SLC2A7: variants seen among roughly 807,000 people sequenced by gnomAD.
The protein encoded by SLC2A7 is solute carrier family 2 member 7.
In SLC2A7, 50 loss-of-function variants were observed where a neutral mutation model predicts 50.5. The ratio of observed to expected loss-of-function variants is 0.99; its 90% CI spans 0.79 to 1.25. The LOEUF (loss-of-function observed/expected upper bound fraction) is 1.25, where lower values mean the gene tolerates loss of function less well. Ranked by LOEUF, SLC2A7 falls within the 50% of genes most tolerant of loss-of-function variation. The probability of loss-of-function intolerance (pLI) is 0.00; values close to 1 mark genes in which losing one functional copy is unlikely to be tolerated. For missense variants in SLC2A7, 683 were observed against 679.1 expected (o/e 1.01, Z -0.06); for synonymous variants, 308 against 300.4 (o/e 1.03, Z -0.26).
At chr1:9,002,198 G>A (rs559373431), downstream of SLC2A7, among the ~76,000 whole-genome samples, 5 of 152,252 alleles carry the variant, frequency 3.3e-5, no homozygotes, top group East Asian at 7.7e-4. Flanking sequence ...ATATGGCCTC[G>A]TGGGAGGGGA....
intron 7 of SLC2A7, among the ~76,000 whole-genome samples, chr1:9,014,285 C>T (rs1640792833): frequency 6.6e-6 from 1 of 152,244 alleles, no homozygotes; most frequent in Non-Finnish European, 1.5e-5. Flanking sequence ...GCCACGGTCG[C>T]AGAAAGCGAT....
intron 2 of SLC2A7, 132 bp from the exon 3 acceptor site, chr1:9,023,210 C>A: frequency 1.2e-6 from 1 of 815,358 alleles, no homozygotes; most frequent in East Asian, 2.8e-5. Flanking sequence ...CAGTTAAACC[C>A]ACTGATTCCC....
rs568881936 is a variant in SLC2A7 at position 9,013,242 on chromosome 1, T to C, written c.1014+283A>G. ...CTGGGTTTCATCATGTTGGCCAGGC[T>C]GGTCTCAAACTCCCTGACCTCAAGT... On this transcript the variant is annotated intron_variant, in intron 8 of 11. Coordinates refer to ENST00000400906, the MANE Select transcript of SLC2A7 (RefSeq NM_207420.3). Among the ~76,000 whole-genome samples, 5 of 152,320 alleles carry C rather than the reference T, an allele frequency of 3.3e-5. No homozygotes were observed. In the South Asian group the frequency reaches 1.0e-3, roughly 32 times the overall value.
downstream of SLC2A7, among the ~76,000 whole-genome samples, chr1:8,999,712 G>A (rs554152469): frequency 9.8e-5 from 15 of 152,340 alleles, no homozygotes; most frequent in African/African-American, 3.6e-4. Context: ...TGTGACCCAG[G>A]AGGGAGGCAT....
At position 9,008,370 on chromosome 1, in the gene SLC2A7, A is replaced by G. The variant is rs1167251853; in HGVS notation, c.1117-985T>C. ...TTGGGGCCATTCAACACTTCAAGCA[A>G]AAGCGAGGCTGGCTGGGTTGGTGGG... On this transcript the variant is annotated intron_variant, in intron 9 of 11. Transcript: ENST00000400906. This position sits in a 1 kb window ranked among gnomAD's most constrained non-coding sequence, Gnocchi z 5.9. 6.6e-6 allele frequency among the ~76,000 whole-genome samples: 1 copy of G among 152,156 alleles called. No individual in the cohort carries two copies. The highest frequency in any genetic ancestry group is 1.5e-5 in the Non-Finnish European group (1 of 68,038).
In SLC2A7 at chr1:9,010,222, C is replaced by G; in HGVS notation, c.1037G>C (p.Gly346Ala). The G allele has an allele frequency of 2.6e-6, 4 of 1,551,240 alleles. No homozygotes were observed. Among genetic ancestry groups the G allele is most frequent in the Non-Finnish European group, 3.5e-6 (4 of 1,146,952 alleles). ...ITSAVLVERLGRRHLLLAGYG... is the reference protein window; with the variant it reads ...ITSAVLVERLARRHLLLAGYG... ...GCCGGCCAGCAGGAGGTGCCGCCGTCCCAGCCGCTCCACAAGGACAGCCTG... is the reference window on the plus strand; with the variant it reads ...GCCGGCCAGCAGGAGGTGCCGCCGTGCCAGCCGCTCCACAAGGACAGCCTG... Residue 346 changes from glycine to alanine, a missense_variant, in exon 9 of 12, where the codon GGA becomes GCA. Physicochemically the swap from Gly to Ala is moderately conservative, Grantham distance 60. Coordinates refer to ENST00000400906, the MANE Select transcript of SLC2A7 (RefSeq NM_207420.3).
chr1:9,024,648 A>G (rs1447132874), intron 2 of SLC2A7, among the ~76,000 whole-genome samples: 1 of 152,040 alleles, frequency 6.6e-6, no homozygotes, highest in African/African-American at 2.4e-5. Context: ...CTTTGACCCC[A>G]TTCTCTTTCC....
chr1:9,009,830 T>G (rs1569788570), intron 9 of SLC2A7, among the ~76,000 whole-genome samples: 1 of 152,246 alleles, frequency 6.6e-6, no homozygotes, highest in South Asian at 2.1e-4. Context: ...CATAGATGTT[T>G]TCTAATGCGG....
At chr1:8,997,588 C>G in the SLC2A7 span, among the ~76,000 whole-genome samples, 1 of 151,870 alleles carries the variant, frequency 6.6e-6, no homozygotes, top group Admixed American at 6.6e-5. Flanking sequence ...TTAGTAGAGA[C>G]GGGGTTTCAC....
At chr1:9,010,855 G>A (rs1640738976) in intron 8 of SLC2A7, among the ~76,000 whole-genome samples, 1 of 152,204 alleles carries the variant, frequency 6.6e-6, no homozygotes, top group Non-Finnish European at 1.5e-5. Flanking sequence ...TGTGTTTGAT[G>A]CTTTGACATC....
At chr1:9,003,815 G>A (rs953549339) in intron 11 of SLC2A7, among the ~76,000 whole-genome samples, 4 of 152,076 alleles carry the variant, frequency 2.6e-5, no homozygotes, top group African/African-American at 7.2e-5. Flanking sequence ...CCAAGATCGC[G>A]CTACTGCACT....
chr1:8,994,103 C>T, the SLC2A7 span, among the ~76,000 whole-genome samples: 1 of 152,212 alleles, frequency 6.6e-6, no homozygotes, highest in Admixed American at 6.5e-5. Flanking sequence ...AGTGACTTTT[C>T]ACTAGAGGGC....
chr1:9,023,006 G>A lies in SLC2A7; in HGVS notation c.223C>T (p.Leu75Phe). The change falls in exon 3 of 12, where the codon CTT becomes TTT. Residue 75 changes from leucine (L) to phenylalanine (F), a missense_variant. Physicochemically the swap from Leu to Phe is conservative, Grantham distance 22 (BLOSUM62 0). Coordinates refer to ENST00000400906, the MANE Select transcript of SLC2A7 (RefSeq NM_207420.3). ...ATFMDGKLML[L>F]LWSCTVSMFP... ...ATGGAGACGGTGCAAGACCATAGAA[G>A]CAGCATGAGCTTCCCGTCCATGAAT... 1 of 1,614,208 alleles carries A rather than the reference G, an allele frequency of 6.2e-7. No individual in the cohort carries two copies. The highest frequency in any genetic ancestry group is 8.5e-7 in the Non-Finnish European group (1 of 1,180,040).
downstream of SLC2A7, among the ~76,000 whole-genome samples, chr1:9,002,024 G>A (rs1010868875): frequency 6.6e-6 from 1 of 152,164 alleles, no homozygotes; most frequent in Admixed American, 6.6e-5. Flanking sequence ...TGCAGGATGC[G>A]CCTTGTTAAA....
intron 2 of SLC2A7, among the ~76,000 whole-genome samples, chr1:9,023,949 G>A (rs1037811760): frequency 7.2e-6 from 1 of 139,120 alleles, no homozygotes; most frequent in Admixed American, 8.1e-5. Context: ...TCTGATTCCC[G>A]GGTTCAAGTG....
chr1:8,998,573 C>T (rs1640537536), downstream of SLC2A7, among the ~76,000 whole-genome samples: 1 of 152,092 alleles, frequency 6.6e-6, no homozygotes, highest in African/African-American at 2.4e-5. Flanking sequence ...TATTATTCCC[C>T]CAAATTCAAC....
intron 8 of SLC2A7, 37 bp downstream of exon 8, chr1:9,013,488 G>A (rs755367990): frequency 6.3e-7 from 1 of 1,586,132 alleles, no homozygotes; most frequent in Non-Finnish European, 8.6e-7. Context: ...CCTGGCCAGA[G>A]ACCCTCCAGC....
chr1:9,017,935 G>T (rs1640853384), intron 5 of SLC2A7, among the ~76,000 whole-genome samples: 1 of 152,122 alleles, frequency 6.6e-6, no homozygotes, highest in Non-Finnish European at 1.5e-5. Flanking sequence ...ACTTTTCATG[G>T]CTTGAAAGAA....
chr1:9,010,118 C>CG, intron 9 of SLC2A7, 25 bp downstream of exon 9: 2 of 1,549,678 alleles, frequency 1.3e-6, no homozygotes, highest in East Asian at 2.4e-5. Context: ...ACTCCCCACC[C>CG]AGGGGGCAGG....
Sources: gnomAD v4.1 joint callset for allele counts (sites outside exome capture counted in the v4.1 genomes callset) on GRCh38, gnomAD v4.1.1 for gene constraint, Gnocchi (gnomAD v3.1) non-coding constraint, MANE v1.5 for transcripts, NCBI Gene and HGNC (gene_info 2026-07-23, HGNC 2026-07-21) for gene names.